The following MPP2 variants were observed in gnomAD, a reference collection of about 807,000 sequenced individuals.
MPP2 encodes the protein MAGUK p55 scaffold protein 2, also known as MAGUK p55 subfamily member 2.
A neutral mutation model predicts 58.5 loss-of-function variants in MPP2; 42 were observed. The observed-to-expected ratio is 0.72, with a 90% confidence interval of 0.56 to 0.93. The LOEUF (loss-of-function observed/expected upper bound fraction) is 0.93, where lower values mean the gene tolerates loss of function less well. MPP2 is among the 40% of genes least tolerant of loss of function. MPP2 has a pLI of 0.00. For synonymous variants in MPP2, 300 were observed against 307.8 expected (o/e 0.97, Z 0.26); for missense variants, 632 against 760.4 (o/e 0.83, Z 1.99).
rs2046927250 is a variant in MPP2 at position 43,878,065 on chromosome 17, C to T, written c.1483-82G>A. ...TCAGAAGGAGCTACAGCTGCCCCCACTCCCCCTCCCCAAAGCCCAACCCTG... is the reference window on the plus strand; with the variant it reads ...TCAGAAGGAGCTACAGCTGCCCCCATTCCCCCTCCCCAAAGCCCAACCCTG... On this transcript the variant is annotated intron_variant, in intron 12 of 12. Coordinates refer to ENST00000269095, the MANE Select transcript of MPP2 (RefSeq NM_005374.5). 8 of 1,436,016 alleles carry T rather than the reference C, an allele frequency of 5.6e-6. No homozygotes were observed. The Admixed American group carries it at 1.4e-4, about 25-fold the overall frequency. The allele number at this position is 1,436,016 out of a possible 1,614,324, so 89.0% of individuals were successfully genotyped here. A position where few individuals can be genotyped will look rare whatever the true frequency, so the allele number is the denominator to read the frequency against.
At chr17:43,889,806 T>G (rs886754591) in intron 3 of MPP2, among the ~76,000 whole-genome samples, 13 of 28,430 alleles carry the variant, frequency 4.6e-4, no homozygotes, top group African/African-American at 1.9e-3. Context: ...TCCAAATGCG[T>G]TTTTTTTTTT....
At chr17:43,901,289 G>A (rs2048088712) in intron 2 of MPP2, 1 of 985,368 alleles carries the variant, frequency 1.0e-6, no homozygotes, top group African/African-American at 1.7e-5. Flanking sequence ...CTTACCCCTC[G>A]CCTCACAGCA....
intron 3 of MPP2, among the ~76,000 whole-genome samples, chr17:43,897,664 T>A (rs2047905354): frequency 6.6e-6 from 1 of 152,084 alleles, no homozygotes; most frequent in Non-Finnish European, 1.5e-5. Context: ...TCCTGACTCT[T>A]TCTTACCTCT....
chr17:43,881,649 G>A, intron 6 of MPP2, 60 bp from the exon 7 acceptor site: 5 of 1,580,168 alleles, frequency 3.2e-6, no homozygotes, highest in East Asian at 2.2e-5. Context: ...GCAGGTGGAG[G>A]TCTACCCCAT....
Position 43,882,356 on chromosome 17 carries a change from G to C in MPP2, c.609C>G (p.Leu203=). 1 of 1,612,462 alleles carries C rather than the reference G, an allele frequency of 6.2e-7. No individual in the cohort carries two copies. The highest frequency in any genetic ancestry group is 8.5e-7 in the Non-Finnish European group (1 of 1,179,950). The change falls in exon 6 of 13, where the codon CTC becomes CTG. Residue 203 remains leucine, a synonymous_variant. Coordinates refer to ENST00000269095, the MANE Select transcript of MPP2 (RefSeq NM_005374.5). The part of the protein sequence containing the change: ...VGSDPRALQE[L]LRNASGSVIL... ...TGACACTGCCACTGGCATTGCGCAGGAGCTCCTGCAGTGCGCGGGGGTCAC... is the reference window on the plus strand; with the variant it reads ...TGACACTGCCACTGGCATTGCGCAGCAGCTCCTGCAGTGCGCGGGGGTCAC...
chr17:43,880,735 T>C lies in MPP2; in HGVS notation c.1106A>G (p.Lys369Arg). 6.2e-7 allele frequency: 1 copy of C among 1,613,852 alleles called. No individual in the cohort carries two copies. The highest frequency in any genetic ancestry group is 2.2e-5 in the East Asian group (1 of 44,870). Residue 369 changes from lysine (K) to arginine (R), a missense_variant, in exon 10 of 13, where the codon AAG (lysine) becomes AGG (arginine). Physicochemically the swap from Lys to Arg is conservative, Grantham distance 26 (BLOSUM62 2). Coordinates refer to ENST00000269095, the MANE Select transcript of MPP2 (RefSeq NM_005374.5). This position sits in a 1 kb window ranked among gnomAD's most constrained non-coding sequence, Gnocchi z 5.2. ...QGVGRRSLKN[K>R]LIMWDPDRYG... ...GCGATCTGGATCCCACATGATGAGCTTGTTCTTCAGGCTGCGCCGTCCCAC... is the reference window on the plus strand; with the variant it reads ...GCGATCTGGATCCCACATGATGAGCCTGTTCTTCAGGCTGCGCCGTCCCAC...
intron 2 of MPP2, among the ~76,000 whole-genome samples, chr17:43,902,410 C>T (rs1371212075): frequency 6.6e-6 from 1 of 152,180 alleles, no homozygotes; most frequent in African/African-American, 2.4e-5. Context: ...CTGGAGAGGC[C>T]ATTAAGCACA....
chr17:43,898,135 A>G (rs2047927246), intron 3 of MPP2, 127 bp downstream of exon 3: 12 of 750,812 alleles, frequency 1.6e-5, no homozygotes, highest in South Asian at 1.3e-4. Flanking sequence ...TTCTTCTACA[A>G]TCCCCTTCAG....
Position 43,879,102 on chromosome 17 carries a change from C to G in MPP2, c.1482+173G>C, listed in dbSNP as rs185900869. Among the ~76,000 whole-genome samples the G allele has an allele frequency of 3.9e-4, 60 of 152,286 alleles. No individual in the cohort carries two copies. Among genetic ancestry groups the G allele is most frequent in the African/African-American group, 1.4e-3 (58 of 41,574 alleles). On this transcript the variant is annotated intron_variant, in intron 12 of 12. Coordinates refer to ENST00000269095, the MANE Select transcript of MPP2 (RefSeq NM_005374.5). This position sits in a 1 kb window ranked among gnomAD's most constrained non-coding sequence, Gnocchi z 4.1. ...CACTCTGAGACTTTGGACTTCCTCT[C>G]TCAGACCTCCCCTTCCACATCTATG...
At chr17:43,904,693 A>T (rs2048223815) in intron 1 of MPP2, among the ~76,000 whole-genome samples, 200 bp from the exon 2 acceptor site, 1 of 152,182 alleles carries the variant, frequency 6.6e-6, no homozygotes, top group South Asian at 2.1e-4. Flanking sequence ...TTCTCTGAGG[A>T]GGAGGAGACC....
chr17:43,896,366 T>C (rs1264414740), intron 3 of MPP2, among the ~76,000 whole-genome samples: 1 of 152,034 alleles, frequency 6.6e-6, no homozygotes, highest in African/African-American at 2.4e-5. Context: ...CCACCCTACA[T>C]TATCATGGCA....
intron 5 of MPP2, among the ~76,000 whole-genome samples, 167 bp from the exon 6 acceptor site, chr17:43,882,678 T>C (rs905901135): frequency 1.6e-5 from 2 of 128,880 alleles, no homozygotes; most frequent in Non-Finnish European, 3.1e-5. Flanking sequence ...CAGGTACTAA[T>C]GAGGGGAGAG....
rs528165431 is a variant in MPP2, at chr17:43,880,591, G to A, written c.1150+100C>T. On this transcript the variant is annotated intron_variant, in intron 10 of 12. Coordinates refer to ENST00000269095, the MANE Select transcript of MPP2 (RefSeq NM_005374.5). This position sits in a 1 kb window ranked among gnomAD's most constrained non-coding sequence, Gnocchi z 5.2. ...CCCGTGTACCCAAAGGTACCACCTG[G>A]CCTGGTGCCCATGAAGATGCCCATT... is the stretch of plus-strand genomic sequence containing the variant. The A allele has an allele frequency of 3.3e-5, 46 of 1,380,132 alleles. 2 individuals are homozygous for A. In the African/African-American group the frequency reaches 6.4e-4, roughly 19 times the overall value. 85.5% of individuals were successfully genotyped at this position (1,380,132 alleles called of 1,614,324 possible).
chr17:43,882,534 GATGA>G lies in MPP2; in HGVS notation c.454-27_454-24del, dbSNP rs369256678. The G allele has an allele frequency of 4.5e-5, 72 of 1,596,806 alleles. No homozygotes were observed. In the African/African-American group the frequency reaches 7.3e-4, roughly 16 times the overall value. On this transcript the variant is annotated intron_variant, in intron 5 of 12. Coordinates refer to ENST00000269095, the MANE Select transcript of MPP2 (RefSeq NM_005374.5). ...ACCCTGGAGGTCAGAGGGAGTGTAA[GATGA>G]GGCCCCAATTGCTCCAAGTCAGAAT...
At position 43,879,146 on chromosome 17, in the gene MPP2, G is replaced by C. The variant is rs1388758371; in HGVS notation, c.1482+129C>G. 1 of 1,180,782 alleles carries C rather than the reference G, an allele frequency of 8.5e-7. No homozygotes were observed. The highest frequency in any genetic ancestry group is 1.2e-6 in the Non-Finnish European group (1 of 831,092). 73.1% of individuals were successfully genotyped at this position (1,180,782 alleles called of 1,614,324 possible). A position where few individuals can be genotyped will look rare whatever the true frequency, so the allele number is the denominator to read the frequency against. On this transcript the variant is annotated intron_variant, in intron 12 of 12. Coordinates refer to ENST00000269095, the MANE Select transcript of MPP2 (RefSeq NM_005374.5). The surrounding 1 kb of genome is among the most constrained non-coding windows in gnomAD (Gnocchi z 4.1). ...ATCTATGCAGGGGGGACCACGTCCT[G>C]CCTCACTGATAACTGGAGCAGGCCC...
At chr17:43,896,884 T>C (rs1420626409) in intron 3 of MPP2, among the ~76,000 whole-genome samples, 1 of 151,846 alleles carries the variant, frequency 6.6e-6, no homozygotes, top group East Asian at 1.9e-4. Context: ...CTCCCAGCCT[T>C]GCCTCCAACG....
chr17:43,879,800 C>T lies in MPP2; in HGVS notation c.1335G>A (p.Val445=). 6.2e-7 allele frequency: 1 copy of T among 1,613,586 alleles called. No homozygotes were observed. The highest frequency in any genetic ancestry group is 1.1e-5 in the South Asian group (1 of 91,062). ...RGVVAAGKVC[V]LDVNPQAVKV... ...GCGGTACCTGGGGGTTGACATCCAG[C>T]ACGCACACCTTCCCAGCAGCGACCA... The change falls in exon 11 of 13, where the codon GTG becomes GTA. Residue 445 remains valine, a synonymous_variant. Transcript: ENST00000269095. The surrounding 1 kb of genome is among the most constrained non-coding windows in gnomAD (Gnocchi z 4.1).
intron 2 of MPP2, 109 bp from the exon 3 acceptor site, chr17:43,898,489 G>GCC (rs1555611120): frequency 9.0e-6 from 2 of 222,792 alleles, no homozygotes; most frequent in African/African-American, 9.8e-5. Context: ...ACAGAAGGCA[G>GCC]CCCCTCCCCG....
rs2048337985 is a variant in MPP2, at chr17:43,907,485, G to A, written c.-45C>T. 8.1e-6 allele frequency: 8 copies of A among 985,564 alleles called. No individual in the cohort carries two copies. In the South Asian group the frequency reaches 2.3e-4, roughly 29 times the overall value. 61.1% of individuals were successfully genotyped at this position (985,564 alleles called of 1,614,324 possible). ...CGGGGGACGCCTACCTGCGCCCCGG[G>A]AAGCCCCTAGCTCCGGGCGGCTCCA... On this transcript the variant is annotated 5_prime_UTR_variant, in exon 1 of 13. Coordinates refer to ENST00000269095, the MANE Select transcript of MPP2 (RefSeq NM_005374.5).
Sources: gnomAD v4.1 joint callset for allele counts (sites outside exome capture counted in the v4.1 genomes callset) on GRCh38, gnomAD v4.1.1 for gene constraint, Gnocchi (gnomAD v3.1) non-coding constraint, MANE v1.5 for transcripts, NCBI Gene and HGNC (gene_info 2026-07-23, HGNC 2026-07-21) for gene names.